DPYSL2: variants seen among roughly 807,000 people sequenced by gnomAD.
The protein encoded by DPYSL2 is dihydropyrimidinase like 2.
DPYSL2 carries 13 observed loss-of-function variants against 69.9 expected under a neutral mutation model. The ratio of observed to expected loss-of-function variants is 0.19; its 90% confidence interval spans 0.12 to 0.30. DPYSL2 has a LOEUF of 0.30. DPYSL2 is among the 10% of genes least tolerant of loss of function. The pLI is 1.00. For missense variants in DPYSL2, 587 were observed against 918.9 expected, an observed-to-expected ratio of 0.64 and a Z score of 4.67; for synonymous variants, 326 against 359.1, an observed-to-expected ratio of 0.91 and a Z score of 1.04.
intron 1 of DPYSL2, among the ~76,000 whole-genome samples, chr8:26,540,307 A>G (rs1800658247): frequency 6.6e-6 from 1 of 152,332 alleles, no homozygotes; most frequent in South Asian, 2.1e-4. Flanking sequence ...AGGCCATTTA[A>G]TACTATTTAG....
chr8:26,655,016 AT>A (rs896885899), intron 13 of DPYSL2, among the ~76,000 whole-genome samples: 47 of 145,472 alleles, frequency 3.2e-4, no homozygotes, highest in South Asian at 4.4e-4. Context: ...TAATTTTTTA[AT>A]TTTTTTTTTT....
intron 1 of DPYSL2, among the ~76,000 whole-genome samples, chr8:26,552,585 C>T (rs1030563465): frequency 6.6e-6 from 1 of 152,136 alleles, no homozygotes; most frequent in East Asian, 1.9e-4. Context: ...AGTCCAAAGT[C>T]CATGTGCTAT....
Position 26,626,443 on chromosome 8 carries a change from T to G in DPYSL2, c.794-174T>G, listed in dbSNP as rs1360702948. ...TGGTACTCTGCTTCCTTTACCATTCTGTGTCTCCATTTCTCTCCTCTCTCT... is the reference window on the plus strand; with the variant it reads ...TGGTACTCTGCTTCCTTTACCATTCGGTGTCTCCATTTCTCTCCTCTCTCT... On this transcript the variant is annotated intron_variant, in intron 4 of 13. Coordinates refer to ENST00000521913, the MANE Select transcript of DPYSL2 (RefSeq NM_001197293.3). The surrounding 1 kb of genome is among the most constrained non-coding windows in gnomAD (Gnocchi z 4.3). 1.3e-5 allele frequency among the ~76,000 whole-genome samples: 2 copies of G among 151,958 alleles called. No individual in the cohort carries two copies. The highest frequency in any genetic ancestry group is 6.6e-5 in the Admixed American group (1 of 15,252).
chr8:26,636,854 C>T (rs796387332), intron 8 of DPYSL2, among the ~76,000 whole-genome samples: 1 of 152,228 alleles, frequency 6.6e-6, no homozygotes, highest in Non-Finnish European at 1.5e-5. Context: ...GATTCTCCCG[C>T]CTCAGCCTCC....
intron 7 of DPYSL2, among the ~76,000 whole-genome samples, chr8:26,630,707 G>A (rs1325382802): frequency 3.9e-5 from 6 of 152,236 alleles, no homozygotes; most frequent in East Asian, 1.9e-4. Flanking sequence ...TGCTGCAGTG[G>A]GCTCCTTGGT....
At chr8:26,618,672 G>T (rs1340821949) in intron 3 of DPYSL2, among the ~76,000 whole-genome samples, 1 of 150,178 alleles carries the variant, frequency 6.7e-6, no homozygotes, top group Admixed American at 6.6e-5. Context: ...GGGTGCGGTG[G>T]CTCATGCCTG....
In DPYSL2 at chr8:26,580,535, A is replaced by G. The variant is rs1585522093; in HGVS notation, c.355-1434A>G. Among the ~76,000 whole-genome samples the G allele has an allele frequency of 6.6e-6, 1 of 152,284 alleles. No homozygotes were observed. The highest frequency in any genetic ancestry group is 1.5e-5 in the Non-Finnish European group (1 of 68,022). On this transcript the variant is annotated intron_variant, in intron 1 of 13. Coordinates refer to ENST00000521913, the MANE Select transcript of DPYSL2 (RefSeq NM_001197293.3). This position sits in a 1 kb window ranked among gnomAD's most constrained non-coding sequence, Gnocchi z 4.1. The stretch of plus-strand genomic sequence containing the variant: ...CCCTGCAGTGTACAAAATTAAAATG[A>G]TCTTATTGGTTTTCAGTATGTTAGA...
Position 26,615,085 on chromosome 8 carries a change from G to A in DPYSL2, c.629-9058G>A, listed in dbSNP as rs182456475. Among the ~76,000 whole-genome samples, 669 of 152,308 alleles carry A rather than the reference G, an allele frequency of 4.4e-3. 6 individuals carry two copies. The highest frequency in any genetic ancestry group is 0.015 in the African/African-American group (616 of 41,552). ...GAGGCACGGGAGGTGTGGCTGTTGCGCAGCTTCTGTGGCCCAGGCCCTCTG... is the reference window on the plus strand; with the variant it reads ...GAGGCACGGGAGGTGTGGCTGTTGCACAGCTTCTGTGGCCCAGGCCCTCTG... On this transcript the variant is annotated intron_variant, in intron 3 of 13. Coordinates refer to ENST00000521913, the MANE Select transcript of DPYSL2 (RefSeq NM_001197293.3).
intron 1 of DPYSL2, among the ~76,000 whole-genome samples, chr8:26,574,941 T>C (rs1329634604): frequency 6.6e-6 from 1 of 152,168 alleles, no homozygotes; most frequent in Non-Finnish European, 1.5e-5. Context: ...TTGTTTGTTT[T>C]TGTTTTTTTG....
chr8:26,596,663 AAGAT>A (rs2129795731), intron 3 of DPYSL2, among the ~76,000 whole-genome samples: 1 of 152,374 alleles, frequency 6.6e-6, no homozygotes, highest in South Asian at 2.1e-4. Flanking sequence ...ATCAACCCCG[AAGAT>A]AGATAGGCTT....
At chr8:26,520,070 C>T (rs73224167) in intron 1 of DPYSL2, among the ~76,000 whole-genome samples, 14,712 of 152,206 alleles carry the variant, frequency 0.097, 913 homozygotes, top group Middle Eastern at 0.18. Flanking sequence ...TGGTTTCCCC[C>T]ATACTGTTCT....
intron 7 of DPYSL2, among the ~76,000 whole-genome samples, chr8:26,634,285 G>T (rs1467541618): frequency 6.6e-6 from 1 of 152,090 alleles, no homozygotes; most frequent in Admixed American, 6.5e-5. Flanking sequence ...TTTCTTTTGA[G>T]ACTTAGTCTC....
At chr8:26,558,939 T>A (rs1801031701) in intron 1 of DPYSL2, among the ~76,000 whole-genome samples, 1 of 152,146 alleles carries the variant, frequency 6.6e-6, no homozygotes, top group Non-Finnish European at 1.5e-5. Flanking sequence ...TTTAAAACTA[T>A]TTATTTATTT....
intron 1 of DPYSL2, among the ~76,000 whole-genome samples, chr8:26,542,603 T>A (rs1800703625): frequency 6.6e-6 from 1 of 152,078 alleles, no homozygotes; most frequent in Admixed American, 6.6e-5. Flanking sequence ...ATTTTTAATT[T>A]TTTTGTAGAG....
In DPYSL2 at chr8:26,591,984, CTG is replaced by C; in HGVS notation, c.628+8003_628+8004del. On this transcript the variant is annotated intron_variant, in intron 3 of 13. Transcript: ENST00000521913. The surrounding 1 kb of genome is among the most constrained non-coding windows in gnomAD (Gnocchi z 5.8). ...TCGCTTAAGAAAACACCTAACCACA[CTG>C]TAAGTTTTTAGTAGTTTCGTTTAAT... Among the ~76,000 whole-genome samples the C allele has an allele frequency of 6.6e-6, 1 of 152,202 alleles. No homozygotes were observed. Among genetic ancestry groups the C allele is most frequent in the South Asian group, 2.1e-4 (1 of 4,820 alleles).
Position 26,588,453 on chromosome 8 carries a change from G to A in DPYSL2, c.628+4470G>A, listed in dbSNP as rs1467026080. Among the ~76,000 whole-genome samples, 3 of 151,974 alleles carry A rather than the reference G, an allele frequency of 2.0e-5. No homozygotes were observed. Among genetic ancestry groups the A allele is most frequent in the Admixed American group, 1.3e-4 (2 of 15,248 alleles). ...AGCATGACTTTCAGGGGTGCATGCC[G>A]GATCTGCACACTCTGGATCTCCAGG... On this transcript the variant is annotated intron_variant, in intron 3 of 13. Coordinates refer to ENST00000521913, the MANE Select transcript of DPYSL2 (RefSeq NM_001197293.3). The surrounding 1 kb of genome is among the most constrained non-coding windows in gnomAD (Gnocchi z 5.4).
Position 26,568,701 on chromosome 8 carries a change from A to C in DPYSL2, c.355-13268A>C, listed in dbSNP as rs547401969. ...ACATTGATCATGGCGGATTCTTTTA[A>C]GAGATGAAAACTCCTGAAATGTTAT... is the stretch of plus-strand genomic sequence containing the variant. On this transcript the variant is annotated intron_variant, in intron 1 of 13. Transcript: ENST00000521913. Among the ~76,000 whole-genome samples the C allele has an allele frequency of 2.8e-3, 317 of 115,246 alleles. 2 individuals carry two copies. Among genetic ancestry groups the C allele is most frequent in the African/African-American group, 0.012 (290 of 24,148 alleles). 75.6% of individuals were successfully genotyped at this position (115,246 alleles called of 152,430 possible).
intron 1 of DPYSL2, among the ~76,000 whole-genome samples, chr8:26,528,529 C>T (rs1808522628): frequency 6.6e-6 from 1 of 151,772 alleles, no homozygotes; most frequent in South Asian, 2.1e-4. Flanking sequence ...CGCCTGTAGC[C>T]CCAGCTACTC....
chr8:26,578,414 TGC>T, intron 1 of DPYSL2: 1 of 1,563,548 alleles, frequency 6.4e-7, no homozygotes, highest in Non-Finnish European at 8.6e-7. Flanking sequence ...TCCTTTCTGT[TGC>T]TAACGGAGGC....
Sources: gnomAD v4.1 joint callset for allele counts (sites outside exome capture counted in the v4.1 genomes callset) on GRCh38, gnomAD v4.1.1 for gene constraint, Gnocchi (gnomAD v3.1) non-coding constraint, MANE v1.5 for transcripts, NCBI Gene and HGNC (gene_info 2026-07-23, HGNC 2026-07-21) for gene names.